Variants in LGI2 observed in about 807,000 individuals in gnomAD.
LGI2 encodes leucine-rich repeat LGI family member 2.
Under a neutral mutation model 52.0 loss-of-function variants are expected in LGI2, and 30 were observed. The observed-to-expected ratio is 0.58, with a 90% CI of 0.43 to 0.78. The LOEUF (loss-of-function observed/expected upper bound fraction) is 0.78. Ranked by LOEUF, LGI2 falls within the 30% of genes least tolerant of loss-of-function variation. The pLI, the probability that LGI2 is intolerant of heterozygous loss-of-function variation, is 0.00. For synonymous variants in LGI2, 270 were observed against 271.8 expected (o/e 0.99, Z 0.06); for missense variants, 573 against 692.5 (o/e 0.83, Z 1.94).
intron 4 of LGI2, among the ~76,000 whole-genome samples, chr4:25,023,189 A>T (rs1310928074): frequency 6.6e-6 from 1 of 152,206 alleles, no homozygotes; most frequent in East Asian, 1.9e-4. Context: ...CTATGAAATC[A>T]GTATAGTTAT....
rs1725228829 is a variant in LGI2, at chr4:25,001,118, C to T, written c.*2333G>A. The T allele has an allele frequency of 6.6e-6, 1 of 152,224 alleles. No individual in the cohort carries two copies. Among genetic ancestry groups the T allele is most frequent in the Non-Finnish European group, 1.5e-5 (1 of 68,058 alleles). 9.4% of individuals were successfully genotyped at this position (152,224 alleles called of 1,614,324 possible). A position where few individuals can be genotyped will look rare whatever the true frequency, so the allele number is the denominator to read the frequency against. On this transcript the variant is annotated 3_prime_UTR_variant, in exon 8 of 8. Transcript: ENST00000382114. ...CCATCACCTGTTTAGATCGTTCTTTCACCTCCTAATTCCCCATCTGGACTC... is the reference window on the plus strand; with the variant it reads ...CCATCACCTGTTTAGATCGTTCTTTTACCTCCTAATTCCCCATCTGGACTC...
chr4:25,003,771 T>C lies in LGI2; in HGVS notation c.1318A>G (p.Ile440Val). The change falls in exon 8 of 8, where the codon ATC becomes GTC. Residue 440 changes from isoleucine (I) to valine (V), a missense_variant. Coordinates refer to ENST00000382114, the MANE Select transcript of LGI2 (RefSeq NM_018176.4). Reference protein sequence around the residue: ...NTLYLSLTRFIGDSRVMRWNS... With the variant: ...NTLYLSLTRFVGDSRVMRWNS... ...CACCTCATGACCCGGGAGTCCCCGA[T>C]GAAGCGGGTAAGGGAAAGGTAGAGG... is the stretch of plus-strand genomic sequence containing the variant. 6.2e-7 allele frequency: 1 copy of C among 1,614,190 alleles called. No homozygotes were observed. The highest frequency in any genetic ancestry group is 8.5e-7 in the Non-Finnish European group (1 of 1,180,042).
chr4:25,023,242 A>C (rs538061695), intron 4 of LGI2, among the ~76,000 whole-genome samples: 2 of 152,336 alleles, frequency 1.3e-5, no homozygotes, highest in African/African-American at 4.8e-5. Flanking sequence ...ACAGTTAAAC[A>C]ATATTAATAA....
At chr4:25,011,286 A>G (rs893359893) in intron 7 of LGI2, among the ~76,000 whole-genome samples, 4 of 152,092 alleles carry the variant, frequency 2.6e-5, no homozygotes, top group Non-Finnish European at 5.9e-5. Flanking sequence ...TGGCTTCCAC[A>G]GCAGGTTCAC....
At chr4:25,024,092 G>A (rs1726063990) in intron 4 of LGI2, among the ~76,000 whole-genome samples, 1 of 152,120 alleles carries the variant, frequency 6.6e-6, no homozygotes, top group South Asian at 2.1e-4. Flanking sequence ...ATTCCACCTA[G>A]TCATCTAAGC....
downstream of LGI2, among the ~76,000 whole-genome samples, chr4:24,997,564 A>AT (rs1326808059): frequency 1.3e-5 from 2 of 152,216 alleles, no homozygotes; most frequent in Admixed American, 1.3e-4. Context: ...ACCTTTCCTC[A>AT]TATGAATTTA....
chr4:24,996,759 G>T (rs1470958908), downstream of LGI2, among the ~76,000 whole-genome samples: 7 of 152,102 alleles, frequency 4.6e-5, no homozygotes, highest in Middle Eastern at 3.4e-3. Flanking sequence ...GGTGATGGAT[G>T]GTGTGAGGTA....
In LGI2 at chr4:25,019,184, T is replaced by C. The variant is rs191254970; in HGVS notation, c.468A>G (p.Leu156=). The change falls in exon 5 of 8, where the codon TTA becomes TTG. Residue 156 remains leucine, a synonymous_variant. Transcript: ENST00000382114. ...TTACTTACAGTTCAATCAGAGAGTCTAAATCACTGAAGACATCCCTTGGTA... is the reference window on the plus strand; with the variant it reads ...TTACTTACAGTTCAATCAGAGAGTCCAAATCACTGAAGACATCCCTTGGTA... ...KALPRDVFSD[L]DSLIELDLRG... is the part of the protein sequence containing the mutation. 20 of 1,604,884 alleles carry C rather than the reference T, an allele frequency of 1.2e-5. No individual in the cohort carries two copies. The highest frequency in any genetic ancestry group is 1.6e-5 in the Non-Finnish European group (19 of 1,173,378).
At position 25,030,642 on chromosome 4, in the gene LGI2, G is replaced by A. The variant is rs1726312049; in HGVS notation, c.52C>T (p.Leu18=). The A allele has an allele frequency of 2.9e-6, 4 of 1,398,438 alleles. No individual in the cohort carries two copies. The highest frequency in any genetic ancestry group is 3.8e-6 in the Non-Finnish European group (4 of 1,052,206). 86.6% of individuals were successfully genotyped at this position (1,398,438 alleles called of 1,614,324 possible). A position where few individuals can be genotyped will look rare whatever the true frequency, so the allele number is the denominator to read the frequency against. Residue 18 remains leucine (L), a synonymous_variant, in exon 1 of 8, where the codon CTG becomes TTG. Coordinates refer to ENST00000382114, the MANE Select transcript of LGI2 (RefSeq NM_018176.4). ...CGCGGTATCAGGCACGCGGCGCCCAGCAGCAGCAGCAGCAGCCCGAGCGCT... is the reference window on the plus strand; with the variant it reads ...CGCGGTATCAGGCACGCGGCGCCCAACAGCAGCAGCAGCAGCCCGAGCGCT... ...CGALGLLLLL[L]GAACLIPRSA... is the part of the protein sequence containing the mutation.
In LGI2 at chr4:25,003,468, C is replaced by T. The variant is rs1364366377; in HGVS notation, c.1621G>A (p.Val541Ile). The T allele has an allele frequency of 3.1e-6, 5 of 1,589,772 alleles. No homozygotes were observed. The highest frequency in any genetic ancestry group is 3.4e-6 in the Non-Finnish European group (4 of 1,171,332). The part of the protein sequence containing the change: ...GKTKIFEHII[V>I]DLSL ...CCACACCTTCACAAACTTAAGTCAACAATTATATGTTCAAAAATCTTTGTT... is the reference window on the plus strand; with the variant it reads ...CCACACCTTCACAAACTTAAGTCAATAATTATATGTTCAAAAATCTTTGTT... Residue 541 changes from valine (V) to isoleucine (I), a missense_variant, in exon 8 of 8, where the codon GTT (valine) becomes ATT (isoleucine). Val to Ile is a conservative substitution (Grantham distance 29, BLOSUM62 3). Coordinates refer to ENST00000382114, the MANE Select transcript of LGI2 (RefSeq NM_018176.4).
At chr4:25,025,266 G>A (rs563136604) in intron 3 of LGI2, among the ~76,000 whole-genome samples, 30 of 152,176 alleles carry the variant, frequency 2.0e-4, no homozygotes, top group South Asian at 1.2e-3. Flanking sequence ...CACATTTCAC[G>A]GTGCCTGGCT....
intron 4 of LGI2, among the ~76,000 whole-genome samples, chr4:25,023,068 T>TTGATGATGA (rs59366282): frequency 0.03 from 4,523 of 151,106 alleles, 91 homozygotes; most frequent in Middle Eastern, 0.092. Context: ...TATGTTGATG[T>TTGATGATGA]TGATGATGAT....
chr4:24,999,758 TAC>T lies in LGI2; in HGVS notation c.*3691_*3692del, dbSNP rs1334923414. ...CCCATGCTGATTTCTTTCCTAAAAA[TAC>T]ACAGACTCTCACTCCATGGGGAAGA... On this transcript the variant is annotated 3_prime_UTR_variant, in exon 8 of 8. Coordinates refer to ENST00000382114, the MANE Select transcript of LGI2 (RefSeq NM_018176.4). 6 of 453,344 alleles carry T rather than the reference TAC, an allele frequency of 1.3e-5. No individual in the cohort carries two copies. Among genetic ancestry groups the T allele is most frequent in the East Asian group, 7.0e-5 (1 of 14,194 alleles). The allele number at this position is 453,344 out of a possible 1,614,324, so 28.1% of individuals were successfully genotyped here. A position where few individuals can be genotyped will look rare whatever the true frequency, so the allele number is the denominator to read the frequency against.
At position 25,003,092 on chromosome 4, in the gene LGI2, T is replaced by C. The variant is rs1156768409; in HGVS notation, c.*359A>G. On this transcript the variant is annotated 3_prime_UTR_variant, in exon 8 of 8. Coordinates refer to ENST00000382114, the MANE Select transcript of LGI2 (RefSeq NM_018176.4). ...AAGTGGAATGAGAGGGGCTCAAAGT[T>C]TTTTTTTATTTCATTATAAGTGCTG... The C allele has an allele frequency of 1.4e-5, 2 of 143,598 alleles. No individual in the cohort carries two copies. The highest frequency in any genetic ancestry group is 2.8e-5 in the Non-Finnish European group (2 of 71,986). The allele number at this position is 143,598 out of a possible 1,614,324, so 8.9% of individuals were successfully genotyped here.
In LGI2 at chr4:25,026,951, A is replaced by G. The variant is rs780656808; in HGVS notation, c.270-12T>C. 4.4e-6 allele frequency: 7 copies of G among 1,600,056 alleles called. No homozygotes were observed. In the South Asian group the frequency reaches 7.7e-5, roughly 18 times the overall value. On this transcript the variant is annotated splice_polypyrimidine_tract_variant and intron_variant, in intron 2 of 7. Transcript: ENST00000382114. Reference sequence around the variant, plus strand: ...TAGAATTCAGCAATCTGAAAGTAAGAGACAGATTCCAATGGAGAGATGTAA... The same window carrying G: ...TAGAATTCAGCAATCTGAAAGTAAGGGACAGATTCCAATGGAGAGATGTAA...
intron 1 of LGI2, 80 bp from the exon 2 acceptor site, chr4:25,028,658 T>C: frequency 1.7e-6 from 2 of 1,194,830 alleles, no homozygotes; most frequent in Non-Finnish European, 2.4e-6. Flanking sequence ...AAACTCTGCC[T>C]CCACCTGTAC....
rs1725337874 is a variant in LGI2 at position 25,004,313 on chromosome 4, A to G, written c.821-45T>C. ...AGAGGACATTAGTGCAACTACAGCT[A>G]AAAACGCATCTCCGCTTGTACTCTT... On this transcript the variant is annotated intron_variant, in intron 7 of 7. Coordinates refer to ENST00000382114, the MANE Select transcript of LGI2 (RefSeq NM_018176.4). This position sits in a 1 kb window ranked among gnomAD's most constrained non-coding sequence, Gnocchi z 4.6. 1 of 1,523,706 alleles carries G rather than the reference A, an allele frequency of 6.6e-7. No individual in the cohort carries two copies. The highest frequency in any genetic ancestry group is 8.9e-7 in the Non-Finnish European group (1 of 1,124,906). The allele number at this position is 1,523,706 out of a possible 1,614,324, so 94.4% of individuals were successfully genotyped here.
intron 7 of LGI2, among the ~76,000 whole-genome samples, chr4:25,011,413 G>A (rs1176855505): frequency 6.6e-6 from 1 of 151,854 alleles, no homozygotes; most frequent in East Asian, 1.9e-4. Flanking sequence ...TGGCATCCTC[G>A]GAGCATCCGT....
chr4:25,019,926 C>T (rs1014163271), intron 4 of LGI2, among the ~76,000 whole-genome samples: 1 of 152,208 alleles, frequency 6.6e-6, no homozygotes, highest in Non-Finnish European at 1.5e-5. Flanking sequence ...ACTGCTGTAT[C>T]CCCAGTTCCT....
Sources: allele counts gnomAD v4.1 joint callset (sites outside exome capture counted in the v4.1 genomes callset), GRCh38; gene constraint gnomAD v4.1.1; non-coding constraint Gnocchi (gnomAD v3.1); transcripts MANE v1.5; gene names NCBI Gene and HGNC (gene_info 2026-07-23, HGNC 2026-07-21).